CDH12: variants seen among roughly 807,000 people sequenced by gnomAD.
The protein encoded by CDH12 is cadherin-12.
In CDH12, 41 loss-of-function variants were observed where a neutral mutation model predicts 74.1. The observed-to-expected ratio is 0.55, with a 90% confidence interval of 0.43 to 0.72. CDH12 has a LOEUF of 0.72. Among genes scored for constraint, CDH12 ranks in the 30% least tolerant of loss-of-function variants. CDH12 has a pLI of 0.00. For synonymous variants in CDH12, 399 were observed against 355.0 expected (o/e 1.12, Z -1.39); for missense variants, 945 against 977.2 (o/e 0.97, Z 0.44).
At chr5:22,621,474 A>G (rs2126840760) in intron 1 of CDH12, among the ~76,000 whole-genome samples, 1 of 151,098 alleles carries the variant, frequency 6.6e-6, no homozygotes, top group African/African-American at 2.4e-5. Flanking sequence ...CAACCTGAAA[A>G]ATCTTAGAAA....
At chr5:22,562,394 T>C (rs1291597192) in intron 1 of CDH12, among the ~76,000 whole-genome samples, 1 of 152,138 alleles carries the variant, frequency 6.6e-6, no homozygotes, top group Non-Finnish European at 1.5e-5. Flanking sequence ...CTGCTAGGAA[T>C]TTAAAAAAAT....
chr5:22,059,614 A>G, intron 5 of CDH12, among the ~76,000 whole-genome samples: 1 of 152,142 alleles, frequency 6.6e-6, no homozygotes, highest in East Asian at 1.9e-4. Context: ...ATCATTGCAC[A>G]ATTTTAATGC....
chr5:21,846,411 A>G (rs541243673), intron 7 of CDH12, among the ~76,000 whole-genome samples: 1 of 92,818 alleles, frequency 1.1e-5, no homozygotes. Context: ...TCAGCATGGG[A>G]AAAGGAACCT....
intron 3 of CDH12, among the ~76,000 whole-genome samples, chr5:22,379,219 T>C (rs1378810535): frequency 6.6e-6 from 1 of 152,088 alleles, no homozygotes; most frequent in African/African-American, 2.4e-5. Flanking sequence ...ATATAAATGG[T>C]GGAAAGAGAT....
At chr5:21,886,298 C>A (rs898150404) in intron 6 of CDH12, among the ~76,000 whole-genome samples, 4 of 151,548 alleles carry the variant, frequency 2.6e-5, no homozygotes, top group Admixed American at 2.6e-4. Flanking sequence ...TTTTTTCATT[C>A]ATTACCAGGC....
At chr5:22,680,263 G>A (rs1318521675) in intron 1 of CDH12, among the ~76,000 whole-genome samples, 1 of 152,024 alleles carries the variant, frequency 6.6e-6, no homozygotes, top group African/African-American at 2.4e-5. Context: ...ACTGGAAATG[G>A]TCATATTAAA....
chr5:22,281,239 C>T (rs1402027838), intron 3 of CDH12, among the ~76,000 whole-genome samples: 1 of 152,076 alleles, frequency 6.6e-6, no homozygotes, highest in Non-Finnish European at 1.5e-5. Context: ...ATAATAAGAG[C>T]TATTTATGAC....
intron 1 of CDH12, among the ~76,000 whole-genome samples, chr5:22,600,164 C>T (rs563186287): frequency 1.3e-5 from 2 of 152,194 alleles, no homozygotes; most frequent in South Asian, 4.1e-4. Context: ...TGATAGCATA[C>T]AGGCACCTGT....
chr5:22,704,866 C>T (rs923162216), intron 1 of CDH12, among the ~76,000 whole-genome samples: 1 of 151,860 alleles, frequency 6.6e-6, no homozygotes, highest in Non-Finnish European at 1.5e-5. Context: ...TTTTGCCTCA[C>T]ATATTATGGT....
rs574666894 is a variant in CDH12 at position 22,148,745 on chromosome 5, C to A, written c.-187+63753G>T. Among the ~76,000 whole-genome samples, 873 of 152,276 alleles carry A rather than the reference C, an allele frequency of 5.7e-3. 13 individuals carry two copies. The highest frequency in any genetic ancestry group is 0.02 in the African/African-American group (838 of 41,546). On this transcript the variant is annotated intron_variant, in intron 4 of 14. Coordinates refer to ENST00000382254, the MANE Select transcript of CDH12 (RefSeq NM_004061.5). ...TTAGTTGTATCAATCCAATCTCCAA[C>A]TCTGTCATTGAATGGCCTTCTTTCT...
intron 5 of CDH12, among the ~76,000 whole-genome samples, chr5:22,002,235 T>C (rs1433282203): frequency 6.6e-6 from 1 of 152,152 alleles, no homozygotes; most frequent in Non-Finnish European, 1.5e-5. Flanking sequence ...GAATACTTTA[T>C]GCAAAGAAAA....
chr5:21,816,100 T>C (rs1337978028), intron 9 of CDH12, among the ~76,000 whole-genome samples: 1 of 152,072 alleles, frequency 6.6e-6, no homozygotes, highest in Non-Finnish European at 1.5e-5. Flanking sequence ...AACATGGGTT[T>C]GGACTGTGCA....
chr5:21,757,296 C>T (rs1744455493), intron 13 of CDH12, among the ~76,000 whole-genome samples: 1 of 152,148 alleles, frequency 6.6e-6, no homozygotes, highest in South Asian at 2.1e-4. Flanking sequence ...CTGCCTCACC[C>T]TCCTAAGTAG....
chr5:22,094,141 C>A (rs1743603457), intron 4 of CDH12, among the ~76,000 whole-genome samples: 1 of 152,154 alleles, frequency 6.6e-6, no homozygotes, highest in African/African-American at 2.4e-5. Context: ...AACCGTTACA[C>A]AGATGAATTT....
At chr5:22,662,903 C>T (rs1479093332) in intron 1 of CDH12, among the ~76,000 whole-genome samples, 2 of 152,156 alleles carry the variant, frequency 1.3e-5, no homozygotes, top group African/African-American at 2.4e-5. Context: ...GGTTCTAAAA[C>T]TCTTTGCAAG....
chr5:21,923,114 A>C (rs952814947), intron 6 of CDH12, among the ~76,000 whole-genome samples: 4 of 152,082 alleles, frequency 2.6e-5, no homozygotes, highest in African/African-American at 9.7e-5. Context: ...TTGTTGTTTT[A>C]ATGCAATAAA....
chr5:21,810,230 G>A (rs983152984), intron 9 of CDH12, among the ~76,000 whole-genome samples: 1 of 152,058 alleles, frequency 6.6e-6, no homozygotes, highest in Non-Finnish European at 1.5e-5. Context: ...CTATCTAAAC[G>A]TCTAAATAGA....
At chr5:22,037,409 A>T (rs929282050) in intron 5 of CDH12, among the ~76,000 whole-genome samples, 1 of 152,144 alleles carries the variant, frequency 6.6e-6, no homozygotes, top group South Asian at 2.1e-4. Context: ...CGTGGCTTTT[A>T]AGACAGATGA....
intron 4 of CDH12, among the ~76,000 whole-genome samples, chr5:22,100,999 A>G (rs1744110389): frequency 6.6e-6 from 1 of 152,054 alleles, no homozygotes; most frequent in South Asian, 2.1e-4. Flanking sequence ...ATAGATTCTT[A>G]TTTCTAAATT....
Sources: gnomAD v4.1 joint callset for allele counts (sites outside exome capture counted in the v4.1 genomes callset) on GRCh38, gnomAD v4.1.1 for gene constraint, MANE v1.5 for transcripts, NCBI Gene and HGNC (gene_info 2026-07-23, HGNC 2026-07-21) for gene names.